PCDH15: variants seen among roughly 807,000 people sequenced by gnomAD.
PCDH15 encodes protocadherin related 15.
In PCDH15, 129 loss-of-function variants were observed where a neutral mutation model predicts 178.5. The observed-to-expected ratio is 0.72, with a 90% CI of 0.63 to 0.84. PCDH15 has a LOEUF of 0.84. Among genes scored for constraint, PCDH15 ranks in the 40% least tolerant of loss-of-function variants. The pLI, the probability that PCDH15 is intolerant of heterozygous loss-of-function variation, is 0.00. For missense variants in PCDH15, 2,230 were observed against 2,099.9 expected (o/e 1.06, Z -1.21); for synonymous variants, 800 against 732.0 (o/e 1.09, Z -1.50).
intron 3 of PCDH15, among the ~76,000 whole-genome samples, chr10:54,475,174 G>A (rs566859651): frequency 2.0e-5 from 3 of 151,992 alleles, no homozygotes; most frequent in South Asian, 2.1e-4. Flanking sequence ...GCATTGCCAC[G>A]ATTAAGTGGC....
intron 2 of PCDH15, among the ~76,000 whole-genome samples, chr10:55,373,287 G>T (rs2131991867): frequency 6.6e-6 from 1 of 152,224 alleles, no homozygotes; most frequent in South Asian, 2.1e-4. Context: ...TACAGGAGTA[G>T]AAAAATCCAT....
At chr10:55,031,228 A>C (rs1840601358) in intron 2 of PCDH15, among the ~76,000 whole-genome samples, 1 of 152,202 alleles carries the variant, frequency 6.6e-6, no homozygotes, top group African/African-American at 2.4e-5. Flanking sequence ...AATACATCAT[A>C]ATCTGTGTTG....
At chr10:54,673,666 G>A (rs1358166152) in intron 1 of PCDH15, among the ~76,000 whole-genome samples, 1 of 152,048 alleles carries the variant, frequency 6.6e-6, no homozygotes, top group Non-Finnish European at 1.5e-5. Flanking sequence ...TGGAACTCCC[G>A]ACCTCAGATG....
chr10:54,794,328 T>A (rs138304572), intron 1 of PCDH15, among the ~76,000 whole-genome samples: 32 of 151,646 alleles, frequency 2.1e-4, no homozygotes, highest in Non-Finnish European at 4.4e-4. Flanking sequence ...CAATGAAACC[T>A]TATTATCTGA....
chr10:55,609,834 G>A (rs555649022), intron 2 of PCDH15, among the ~76,000 whole-genome samples: 180 of 152,128 alleles, frequency 1.2e-3, no homozygotes, highest in African/African-American at 4.0e-3. Context: ...GAAAAGCACT[G>A]TTCTGTAAAG....
Position 54,165,687 on chromosome 10 carries a change from G to C in PCDH15, c.1591-12394C>G, listed in dbSNP as rs1384210134. Among the ~76,000 whole-genome samples the C allele has an allele frequency of 4.6e-5, 7 of 152,118 alleles. No individual in the cohort carries two copies. In the South Asian group the frequency reaches 1.0e-3, roughly 23 times the overall value. ...TCCATCTCATTAGCTTTAACCCATC[G>C]ATTTAAGGACCCAGTCTTTCATACT... is the stretch of plus-strand genomic sequence containing the variant. On this transcript the variant is annotated intron_variant, in intron 13 of 37. Coordinates refer to ENST00000644397, the MANE Select transcript of PCDH15 (RefSeq NM_001384140.1).
intron 1 of PCDH15, among the ~76,000 whole-genome samples, chr10:55,306,488 TA>T (rs1050978904): frequency 1.1e-4 from 17 of 152,066 alleles, no homozygotes; most frequent in African/African-American, 3.6e-4. Context: ...AGTATAGTGT[TA>T]AAAAAATATA....
intron 1 of PCDH15, among the ~76,000 whole-genome samples, chr10:55,229,133 C>T (rs1434335361): frequency 6.6e-6 from 1 of 151,578 alleles, no homozygotes; most frequent in South Asian, 2.1e-4. Flanking sequence ...CTATAAAACT[C>T]ACACAATATA....
At position 54,251,092 on chromosome 10, in the gene PCDH15, T is replaced by G. The variant is rs139300568; in HGVS notation, c.877-14161A>C. On this transcript the variant is annotated intron_variant, in intron 8 of 37. Coordinates refer to ENST00000644397, the MANE Select transcript of PCDH15 (RefSeq NM_001384140.1). The stretch of plus-strand genomic sequence containing the variant: ...TGAATCCTTGTATATATGAGAATGA[T>G]GTTTCATTCTTAAATAAAAATTTGA... Among the ~76,000 whole-genome samples, 56 of 152,350 alleles carry G rather than the reference T, an allele frequency of 3.7e-4. 5 individuals carry two copies. The East Asian group carries it at 0.011, about 29-fold the overall frequency.
chr10:54,510,149 C>T (rs780869482), intron 3 of PCDH15, among the ~76,000 whole-genome samples: 3 of 152,102 alleles, frequency 2.0e-5, no homozygotes, highest in Admixed American at 6.6e-5. Flanking sequence ...AAAAAAATTG[C>T]TTTTATTTCT....
At chr10:54,062,466 TATATG>T (rs1174271559) in intron 18 of PCDH15, among the ~76,000 whole-genome samples, 2 of 151,980 alleles carry the variant, frequency 1.3e-5, no homozygotes, top group Admixed American at 1.3e-4. Context: ...GTGAAATTAA[TATATG>T]ATATAATTAT....
intron 3 of PCDH15, among the ~76,000 whole-genome samples, chr10:54,835,572 C>G (rs950372489): frequency 1.3e-5 from 2 of 152,106 alleles, no homozygotes; most frequent in Admixed American, 6.6e-5. Context: ...ACATCCCCAC[C>G]TTGATGCACA....
chr10:55,515,730 A>C (rs974977584), intron 2 of PCDH15, among the ~76,000 whole-genome samples: 13 of 152,122 alleles, frequency 8.5e-5, no homozygotes, highest in African/African-American at 3.1e-4. Context: ...CCTTAAAAAA[A>C]AGTCATCATG....
At chr10:55,433,109 A>G (rs1395598728) in intron 2 of PCDH15, among the ~76,000 whole-genome samples, 1 of 152,158 alleles carries the variant, frequency 6.6e-6, no homozygotes, top group Non-Finnish European at 1.5e-5. Context: ...TATATACCCA[A>G]ATGAATATAA....
chr10:54,334,552 T>C (rs1940624082), intron 6 of PCDH15, among the ~76,000 whole-genome samples: 1 of 152,196 alleles, frequency 6.6e-6, no homozygotes, highest in African/African-American at 2.4e-5. Flanking sequence ...ATAGATTTGG[T>C]CATTCATCAT....
intron 1 of PCDH15, among the ~76,000 whole-genome samples, chr10:54,786,263 A>C (rs1950867056): frequency 6.6e-6 from 1 of 151,990 alleles, no homozygotes; most frequent in African/African-American, 2.4e-5. Context: ...AAAGTCTCGA[A>C]TGTAGCTTTT....
At chr10:55,306,274 A>AT (rs1156928283) in intron 1 of PCDH15, among the ~76,000 whole-genome samples, 1 of 152,222 alleles carries the variant, frequency 6.6e-6, no homozygotes, top group East Asian at 1.9e-4. Context: ...ACTCAGCAAG[A>AT]TTTTAATTCT....
At chr10:53,973,327 A>G (rs950148133) in intron 21 of PCDH15, among the ~76,000 whole-genome samples, 5 of 151,136 alleles carry the variant, frequency 3.3e-5, no homozygotes, top group African/African-American at 1.2e-4. Flanking sequence ...GCATTAGGAG[A>G]TATACCTAAT....
rs1401009737 is a variant in PCDH15, at chr10:53,822,077, G to A, written c.4368-1847C>T. On this transcript the variant is annotated intron_variant, in intron 32 of 37. Transcript: ENST00000644397. ...GTTCTGCTAAGTTTTTAACGTGTCT[G>A]AGGATGCCTTTTGGTTCTCTCTGAG... 1 of 1,614,050 alleles carries A rather than the reference G, an allele frequency of 6.2e-7. No individual in the cohort carries two copies. The highest frequency in any genetic ancestry group is 8.5e-7 in the Non-Finnish European group (1 of 1,179,952).
Sources: gnomAD v4.1 joint callset for allele counts (sites outside exome capture counted in the v4.1 genomes callset) on GRCh38, gnomAD v4.1.1 for gene constraint, MANE v1.5 for transcripts, NCBI Gene and HGNC (gene_info 2026-07-23, HGNC 2026-07-21) for gene names.